The following SETBP1 variants were observed in gnomAD, a reference collection of about 807,000 sequenced individuals.
SETBP1 encodes the protein SET binding protein 1, also known as SET-binding protein.
A neutral mutation model predicts 101.0 loss-of-function variants in SETBP1; 9 were observed. The observed-to-expected ratio is 0.09, with a 90% CI of 0.05 to 0.16. The LOEUF is 0.16. Ranked by LOEUF, SETBP1 falls within the 10% of genes least tolerant of loss-of-function variation. The pLI is 1.00. For synonymous variants in SETBP1, 818 were observed against 788.5 expected (o/e 1.04, Z -0.63); for missense variants, 1,858 against 2,033.8 (o/e 0.91, Z 1.66).
chr18:44,761,319 G>A (rs1207008628), intron 2 of SETBP1, among the ~76,000 whole-genome samples: 1 of 152,072 alleles, frequency 6.6e-6, no homozygotes, highest in Non-Finnish European at 1.5e-5. Flanking sequence ...ACACTTCATT[G>A]TTATTTGCTA....
At chr18:45,000,144 G>T in intron 4 of SETBP1, among the ~76,000 whole-genome samples, 1 of 152,250 alleles carries the variant, frequency 6.6e-6, no homozygotes. Context: ...ATGTTTAAGA[G>T]GGATATGATT....
intron 2 of SETBP1, among the ~76,000 whole-genome samples, chr18:44,763,600 G>A (rs372838995): frequency 2.0e-5 from 3 of 152,174 alleles, no homozygotes; most frequent in Non-Finnish European, 4.4e-5. Flanking sequence ...GATAGTAAAT[G>A]GCAATGGTCA....
chr18:44,744,609 C>A (rs2070184076), intron 2 of SETBP1, among the ~76,000 whole-genome samples: 1 of 152,144 alleles, frequency 6.6e-6, no homozygotes, highest in Admixed American at 6.5e-5. Context: ...GCGAATGTCG[C>A]GCACCCAGTC....
intron 3 of SETBP1, among the ~76,000 whole-genome samples, chr18:44,929,849 G>A (rs1337778987): frequency 6.6e-6 from 1 of 152,134 alleles, no homozygotes; most frequent in Non-Finnish European, 1.5e-5. Context: ...AGATGATGGG[G>A]TTTTCTAGAT....
intron 2 of SETBP1, among the ~76,000 whole-genome samples, chr18:44,750,206 A>G (rs913406605): frequency 6.6e-6 from 1 of 152,222 alleles, no homozygotes; most frequent in Non-Finnish European, 1.5e-5. Context: ...AACAACAGAC[A>G]TGTATTTCCC....
At chr18:44,886,754 TTTA>T (rs4024294) in intron 3 of SETBP1, among the ~76,000 whole-genome samples, 27,211 of 142,962 alleles carry the variant, frequency 0.19, 2,650 homozygotes, top group East Asian at 0.27. Context: ...GACTGTACAT[TTTA>T]TTATTATTAT....
Position 44,774,828 on chromosome 18 carries a change from C to T in SETBP1, c.486+72996C>T, listed in dbSNP as rs1260651553. ...CCCTCATTGAGACAAATGACTGTAC[C>T]CTCTCAATTTGAGTGAGTTACAGGT... On this transcript the variant is annotated intron_variant, in intron 2 of 5. Coordinates refer to ENST00000649279, the MANE Select transcript of SETBP1 (RefSeq NM_015559.3). Among the ~76,000 whole-genome samples, 5 of 152,158 alleles carry T rather than the reference C, an allele frequency of 3.3e-5. No homozygotes were observed. In the East Asian group the frequency reaches 9.7e-4, roughly 29 times the overall value.
chr18:44,990,898 G>C (rs892563145), intron 4 of SETBP1, among the ~76,000 whole-genome samples: 3 of 135,202 alleles, frequency 2.2e-5, no homozygotes, highest in African/African-American at 8.4e-5. Flanking sequence ...TAGAACTAAA[G>C]GTATAACTTA....
chr18:44,912,491 G>T (rs1424306420), intron 3 of SETBP1, among the ~76,000 whole-genome samples: 4 of 151,856 alleles, frequency 2.6e-5, no homozygotes, highest in East Asian at 1.9e-4. Context: ...TGTTTTTTTT[G>T]TTTGTTTGTT....
chr18:45,005,066 T>C (rs1317363317), intron 4 of SETBP1, among the ~76,000 whole-genome samples: 1 of 152,142 alleles, frequency 6.6e-6, no homozygotes, highest in Non-Finnish European at 1.5e-5. Flanking sequence ...GCGCAGCATC[T>C]CAGTGAAGGA....
chr18:44,829,560 C>T (rs1353100421), intron 2 of SETBP1, among the ~76,000 whole-genome samples: 2 of 152,112 alleles, frequency 1.3e-5, no homozygotes, highest in Non-Finnish European at 2.9e-5. Context: ...AGTTCTGTTT[C>T]GGCAACATGA....
intron 2 of SETBP1, among the ~76,000 whole-genome samples, chr18:44,825,401 A>G (rs903847415): frequency 6.6e-6 from 1 of 152,242 alleles, no homozygotes; most frequent in African/African-American, 2.4e-5. Context: ...AGGTTTATCT[A>G]TCAGAATATT....
intron 3 of SETBP1, among the ~76,000 whole-genome samples, chr18:44,923,951 G>A (rs1200431812): frequency 2.0e-5 from 3 of 152,192 alleles, no homozygotes; most frequent in Non-Finnish European, 4.4e-5. Flanking sequence ...AAGAGAATGA[G>A]GTGTTGAGGT....
intron 2 of SETBP1, among the ~76,000 whole-genome samples, chr18:44,834,375 T>C (rs1017575616): frequency 1.3e-5 from 2 of 152,170 alleles, no homozygotes; most frequent in African/African-American, 4.8e-5. Flanking sequence ...TGGGAATGTA[T>C]GGTTAATTGC....
At chr18:44,745,137 C>A (rs2144499909) in intron 2 of SETBP1, among the ~76,000 whole-genome samples, 1 of 152,298 alleles carries the variant, frequency 6.6e-6, no homozygotes, top group South Asian at 2.1e-4. Context: ...GCCCGGCCCC[C>A]TTTTGGGTAG....
rs201939233 is a variant in SETBP1 at position 44,869,250 on chromosome 18, T to C, written c.507T>C (p.Leu169=). 56 of 1,613,966 alleles carry C rather than the reference T, an allele frequency of 3.5e-5. No individual in the cohort carries two copies. Among genetic ancestry groups the C allele is most frequent in the Non-Finnish European group, 4.5e-5 (53 of 1,179,922 alleles). The part of the protein sequence containing the change: ...SKKKLLTASD[L]AASDLKGFQP... ...TGCAGCTCCTCACAGCCAGTGACCT[T>C]GCAGCCAGTGACCTCAAAGGATTTC... Residue 169 remains leucine (L), a synonymous_variant, in exon 3 of 6, where the codon CTT becomes CTC. Coordinates refer to ENST00000649279, the MANE Select transcript of SETBP1 (RefSeq NM_015559.3).
intron 2 of SETBP1, among the ~76,000 whole-genome samples, chr18:44,787,701 A>G: frequency 6.9e-6 from 1 of 145,282 alleles, no homozygotes; most frequent in Non-Finnish European, 1.5e-5. Context: ...AAAAATACAA[A>G]AAATTAGCCG....
At chr18:44,738,584 C>T (rs926791511) in intron 2 of SETBP1, among the ~76,000 whole-genome samples, 4 of 151,914 alleles carry the variant, frequency 2.6e-5, no homozygotes, top group Non-Finnish European at 4.4e-5. Context: ...GACCAGCCTG[C>T]CCAACATGGT....
intron 2 of SETBP1, among the ~76,000 whole-genome samples, chr18:44,717,523 G>A (rs898837): frequency 8.5e-5 from 13 of 152,162 alleles, no homozygotes; most frequent in African/African-American, 3.1e-4. Context: ...GGCTCTGCAG[G>A]GTCTGCCCTC....
Sources: allele counts gnomAD v4.1 joint callset (sites outside exome capture counted in the v4.1 genomes callset), GRCh38; gene constraint gnomAD v4.1.1; transcripts MANE v1.5; gene names NCBI Gene and HGNC (gene_info 2026-07-23, HGNC 2026-07-21).